TAF4: variants seen among roughly 807,000 people sequenced by gnomAD.
TAF4 encodes TATA-box binding protein associated factor 4.
TAF4 carries 9 observed loss-of-function variants against 90.3 expected under a neutral mutation model. That is an observed-to-expected ratio of 0.10 (90% CI 0.06 to 0.17). The LOEUF is 0.17. TAF4 is among the 10% of genes least tolerant of loss of function. The pLI is 1.00. For synonymous variants in TAF4, 818 were observed against 638.9 expected, an observed-to-expected ratio of 1.28 and a Z score of -4.23; for missense variants, 1,351 against 1,370.7, an observed-to-expected ratio of 0.99 and a Z score of 0.23.
intron 1 of TAF4, among the ~76,000 whole-genome samples, chr20:62,048,135 G>A (rs562789192): frequency 3.9e-5 from 6 of 152,318 alleles, no homozygotes; most frequent in South Asian, 2.1e-4. Flanking sequence ...GCTCAATGCC[G>A]AGTCAATTCC....
At chr20:62,030,146 A>T (rs2055897067) in intron 1 of TAF4, among the ~76,000 whole-genome samples, 1 of 152,152 alleles carries the variant, frequency 6.6e-6, no homozygotes, top group South Asian at 2.1e-4. Context: ...GCACAAGGAG[A>T]GGAGGCAGCA....
chr20:62,043,714 A>G (rs1248418910), intron 1 of TAF4, among the ~76,000 whole-genome samples: 1 of 152,178 alleles, frequency 6.6e-6, no homozygotes, highest in East Asian at 1.9e-4. Flanking sequence ...GTCACAAGCC[A>G]TGCAGGTTTA....
At chr20:62,019,021 C>T (rs2055828182) in intron 1 of TAF4, among the ~76,000 whole-genome samples, 1 of 151,968 alleles carries the variant, frequency 6.6e-6, no homozygotes, top group South Asian at 2.1e-4. Context: ...TTCCTGGAGA[C>T]TCCTTCATGG....
intron 9 of TAF4, among the ~76,000 whole-genome samples, chr20:62,002,878 C>T (rs1359609309): frequency 6.6e-6 from 1 of 152,106 alleles, no homozygotes; most frequent in Non-Finnish European, 1.5e-5. Context: ...ACTCAAAATA[C>T]GATGTTATAC....
intron 1 of TAF4, among the ~76,000 whole-genome samples, chr20:62,026,235 C>A (rs983433777): frequency 6.6e-6 from 1 of 152,156 alleles, no homozygotes; most frequent in Non-Finnish European, 1.5e-5. Context: ...CTGTTCACCA[C>A]CACACACAAA....
At chr20:62,007,512 C>T (rs758844619) in intron 6 of TAF4, 35 bp downstream of exon 6, 2 of 1,603,792 alleles carry the variant, frequency 1.2e-6, no homozygotes, top group South Asian at 2.2e-5. Flanking sequence ...CTCCCTGGCC[C>T]TACTGCTCGC....
chr20:62,031,749 T>C (rs570440545), intron 1 of TAF4, among the ~76,000 whole-genome samples: 1 of 152,194 alleles, frequency 6.6e-6, no homozygotes, highest in South Asian at 2.1e-4. Flanking sequence ...AGTAAGCACA[T>C]GTGTCAACAA....
intron 1 of TAF4, among the ~76,000 whole-genome samples, chr20:62,053,743 T>C (rs1468678277): frequency 1.3e-5 from 2 of 152,310 alleles, no homozygotes; most frequent in South Asian, 2.1e-4. Flanking sequence ...TGTCCACCCG[T>C]ATCCCACCCT....
Position 62,065,639 on chromosome 20 carries a change from G to A in TAF4, c.172C>T (p.Leu58Phe). ...PEVRAAAAGA[L>F]GNHVVSGSPA... The stretch of plus-strand genomic sequence containing the variant: ...CTGCCGCTCACAACATGGTTCCCGA[G>A]CGCGCCGGCGGCCGCGGCCCGCACC... The change falls in exon 1 of 15, where the codon CTC (leucine) becomes TTC (phenylalanine). Residue 58 changes from leucine (L) to phenylalanine (F), a missense_variant. Leu to Phe is a conservative substitution (Grantham distance 22). Around this residue, in one of 9 missense-constraint regions of TAF4, gnomAD observed 782 missense variants for 536.6 expected, o/e 1.46. Transcript: ENST00000252996. 1 of 1,052,388 alleles carries A rather than the reference G, an allele frequency of 9.5e-7. No homozygotes were observed. The highest frequency in any genetic ancestry group is 1.1e-6 in the Non-Finnish European group (1 of 875,960). 65.2% of individuals were successfully genotyped at this position (1,052,388 alleles called of 1,614,324 possible).
chr20:61,989,918 G>A (rs777565428), intron 14 of TAF4, among the ~76,000 whole-genome samples: 27 of 152,330 alleles, frequency 1.8e-4, no homozygotes, highest in Non-Finnish European at 3.1e-4. Flanking sequence ...CAGGGGTGGC[G>A]ACACAGGCAG....
chr20:62,051,139 A>G (rs953805276), intron 1 of TAF4, among the ~76,000 whole-genome samples: 1 of 152,196 alleles, frequency 6.6e-6, no homozygotes, highest in Non-Finnish European at 1.5e-5. Flanking sequence ...AGTGGAAGGC[A>G]GGGTGCAGGG....
intron 14 of TAF4, among the ~76,000 whole-genome samples, chr20:61,994,263 G>A (rs1351329389): frequency 6.6e-6 from 1 of 152,274 alleles, no homozygotes; most frequent in African/African-American, 2.4e-5. Flanking sequence ...GGGCCTCACA[G>A]CCAGTGGGCA....
intron 14 of TAF4, among the ~76,000 whole-genome samples, chr20:61,990,672 G>T (rs2055625860): frequency 6.6e-6 from 1 of 152,178 alleles, no homozygotes; most frequent in African/African-American, 2.4e-5. Flanking sequence ...ACACTGACCT[G>T]CCAGGGCTCC....
Position 62,003,834 on chromosome 20 carries a change from CG to C in TAF4, c.2267del (p.Pro756ArgfsTer3). 1.3e-6 allele frequency: 2 copies of C among 1,599,830 alleles called. No individual in the cohort carries two copies. ...TGGGTGTCTGCGTCAACGTCACCTG[CG>C]GGGGCCGGATCAGGGCTCCTGGCTT... ...PPKPGALIRP[P>X]QVTLTQTPMV... On this transcript the variant is annotated frameshift_variant, in exon 8 of 15. Transcript: ENST00000252996. LOFTEE classifies it high-confidence loss of function.
intron 14 of TAF4, among the ~76,000 whole-genome samples, chr20:61,984,312 C>T (rs2055569239): frequency 6.6e-6 from 1 of 152,198 alleles, no homozygotes. Context: ...CTGCCTCTCT[C>T]ACACGCAACA....
Position 62,006,763 on chromosome 20 carries a change from G to A in TAF4, c.1975-5C>T. ...TCTCAAGGCGGGTAAGCTCCTCTGG[G>A]TGGAAAGACAGACACGAGGGGTCAG... On this transcript the variant is annotated splice_polypyrimidine_tract_variant and splice_region_variant and intron_variant, in intron 6 of 14. Transcript: ENST00000252996. This position sits in a 1 kb window ranked among gnomAD's most constrained non-coding sequence, Gnocchi z 7.0. 6.7e-7 allele frequency: 1 copy of A among 1,492,388 alleles called. No individual in the cohort carries two copies. The highest frequency in any genetic ancestry group is 9.0e-7 in the Non-Finnish European group (1 of 1,112,244). The allele number at this position is 1,492,388 out of a possible 1,614,324, so 92.4% of individuals were successfully genotyped here.
chr20:62,014,105 G>A (rs1219988325), intron 2 of TAF4, among the ~76,000 whole-genome samples: 1 of 151,604 alleles, frequency 6.6e-6, no homozygotes, highest in Admixed American at 6.6e-5. Context: ...AACCCCACTC[G>A]CACACAGCGG....
At position 62,065,203 on chromosome 20, in the gene TAF4, G is replaced by T; in HGVS notation, c.608C>A (p.Ala203Glu). 1 of 1,186,284 alleles carries T rather than the reference G, an allele frequency of 8.4e-7. No individual in the cohort carries two copies. The highest frequency in any genetic ancestry group is 1.4e-5 in the South Asian group (1 of 69,308). 73.5% of individuals were successfully genotyped at this position (1,186,284 alleles called of 1,614,324 possible). A position where few individuals can be genotyped will look rare whatever the true frequency, so the allele number is the denominator to read the frequency against. ...GGCGGCGTGGTGCGAGTTCAGCAGCGCGGCGCTCCCATTCAAAGTTTGCGC... is the reference window on the plus strand; with the variant it reads ...GGCGGCGTGGTGCGAGTTCAGCAGCTCGGCGCTCCCATTCAAAGTTTGCGC... ...GAAQTLNGSA[A>E]LLNSHHAAAP... is the part of the protein sequence containing the mutation. Residue 203 changes from alanine (A) to glutamate (E), a missense_variant, in exon 1 of 15, where the codon GCG becomes GAG. By Grantham distance (107) the Ala-to-Glu change is moderately radical. This residue lies in a region of TAF4 where 782 missense variants were observed against 536.6 expected (regional missense o/e 1.46). Coordinates refer to ENST00000252996, the MANE Select transcript of TAF4 (RefSeq NM_003185.4).
intron 1 of TAF4, among the ~76,000 whole-genome samples, chr20:62,063,185 C>A (rs552249054): frequency 2.4e-4 from 37 of 152,322 alleles, no homozygotes; most frequent in African/African-American, 8.2e-4. Flanking sequence ...GCCGCCCAGA[C>A]AGGCTTTCCC....
Sources: gnomAD v4.1 joint callset for allele counts (sites outside exome capture counted in the v4.1 genomes callset) on GRCh38, gnomAD v4.1.1 for gene constraint, gnomAD v4.1.1 regional missense constraint, Gnocchi (gnomAD v3.1) non-coding constraint, MANE v1.5 for transcripts, NCBI Gene and HGNC (gene_info 2026-07-23, HGNC 2026-07-21) for gene names.